NRG3: variants seen among roughly 807,000 people sequenced by gnomAD.
NRG3 encodes neuregulin 3.
In NRG3, 31 loss-of-function variants were observed where a neutral mutation model predicts 66.9. That is an observed-to-expected ratio of 0.46 (90% CI 0.35 to 0.63). The LOEUF (loss-of-function observed/expected upper bound fraction) is 0.63, where lower values mean the gene tolerates loss of function less well. Among genes scored for constraint, NRG3 ranks in the 20% least tolerant of loss-of-function variants. The probability of loss-of-function intolerance (pLI) is 0.00; values close to 1 mark genes in which losing one functional copy is unlikely to be tolerated. For missense variants in NRG3, 910 were observed against 878.9 expected, an observed-to-expected ratio of 1.04 and a Z score of -0.45; for synonymous variants, 393 against 359.4, an observed-to-expected ratio of 1.09 and a Z score of -1.06.
At chr10:81,937,575 G>T (rs372148943) in intron 1 of NRG3, among the ~76,000 whole-genome samples, 11 of 152,078 alleles carry the variant, frequency 7.2e-5, no homozygotes, top group Non-Finnish European at 1.5e-4. Flanking sequence ...ATTTATTCAA[G>T]TTGTTTGCAC....
chr10:82,052,796 A>G (rs2063662971), intron 1 of NRG3, among the ~76,000 whole-genome samples: 1 of 152,194 alleles, frequency 6.6e-6, no homozygotes, highest in Non-Finnish European at 1.5e-5. Context: ...CAAGTGATTA[A>G]TAGCAATGCA....
chr10:81,881,989 C>G (rs2132480750), intron 1 of NRG3, among the ~76,000 whole-genome samples: 1 of 152,152 alleles, frequency 6.6e-6, no homozygotes, highest in East Asian at 1.9e-4. Flanking sequence ...AAACAACTTA[C>G]CTTTTGGAGT....
At chr10:82,373,416 C>T (rs1417146877) in intron 2 of NRG3, among the ~76,000 whole-genome samples, 6 of 152,206 alleles carry the variant, frequency 3.9e-5, no homozygotes, top group Admixed American at 2.0e-4. Flanking sequence ...AAAGGCAATG[C>T]CAAGAGGCCA....
At chr10:82,766,847 C>G (rs1309090413) in intron 3 of NRG3, among the ~76,000 whole-genome samples, 5 of 151,368 alleles carry the variant, frequency 3.3e-5, no homozygotes, top group Admixed American at 1.3e-4. Flanking sequence ...TTCCCTAGGC[C>G]CTTCTGTCTT....
chr10:82,944,728 G>A (rs1159943307), intron 4 of NRG3, among the ~76,000 whole-genome samples: 3 of 152,038 alleles, frequency 2.0e-5, no homozygotes, highest in African/African-American at 7.2e-5. Context: ...TATTATGCCA[G>A]CCCAAATAAA....
intron 2 of NRG3, among the ~76,000 whole-genome samples, chr10:82,602,129 T>C (rs2047676471): frequency 6.6e-6 from 1 of 151,708 alleles, no homozygotes; most frequent in African/African-American, 2.4e-5. Flanking sequence ...GAACTTAGTA[T>C]ATGCAATTCT....
chr10:82,981,762 G>A (rs943808097), intron 8 of NRG3, among the ~76,000 whole-genome samples: 9 of 152,198 alleles, frequency 5.9e-5, no homozygotes, highest in Non-Finnish European at 1.2e-4. Context: ...GTCAATGACA[G>A]CCATGGTAAT....
At chr10:82,675,216 C>CA (rs1360891444) in intron 2 of NRG3, among the ~76,000 whole-genome samples, 1 of 152,104 alleles carries the variant, frequency 6.6e-6, no homozygotes, top group Non-Finnish European at 1.5e-5. Flanking sequence ...CTCGGCCTCC[C>CA]AAAGTGCTGG....
intron 2 of NRG3, among the ~76,000 whole-genome samples, chr10:82,479,113 G>A (rs937922083): frequency 6.6e-6 from 1 of 152,056 alleles, no homozygotes; most frequent in African/African-American, 2.4e-5. Flanking sequence ...ATTAATAGGA[G>A]GTGATGTGAC....
chr10:82,958,868 C>T, intron 5 of NRG3, 81 bp from the exon 6 acceptor site: 1 of 1,400,054 alleles, frequency 7.1e-7, no homozygotes, highest in Admixed American at 2.7e-5. Context: ...CAAATATAGA[C>T]ACTGGGAATG....
chr10:82,803,763 A>C (rs1271355245), intron 3 of NRG3, among the ~76,000 whole-genome samples: 1 of 152,126 alleles, frequency 6.6e-6, no homozygotes, highest in East Asian at 1.9e-4. Context: ...AATACTTCTC[A>C]CAGGATCGTG....
chr10:82,263,721 T>C (rs1020782218), intron 1 of NRG3, among the ~76,000 whole-genome samples: 1 of 152,162 alleles, frequency 6.6e-6, no homozygotes, highest in Admixed American at 6.6e-5. Flanking sequence ...TAATTTAACC[T>C]TCCCTTTCCC....
In NRG3 at chr10:82,895,111, T is replaced by C. The variant is rs189086160; in HGVS notation, c.1054+29674T>C. Among the ~76,000 whole-genome samples, 468 of 152,332 alleles carry C rather than the reference T, an allele frequency of 3.1e-3. 8 individuals are homozygous for C. Among genetic ancestry groups the C allele is most frequent in the African/African-American group, 0.01 (417 of 41,582 alleles). On this transcript the variant is annotated intron_variant, in intron 4 of 8. Coordinates refer to ENST00000372141, the MANE Select transcript of NRG3 (RefSeq NM_001010848.4). ...TGGCTGCATAGTATTCCACGGTGTA[T>C]ATGTGCCACATTTTCTTTATCCAGT...
At chr10:82,229,406 A>G (rs185208787) in intron 1 of NRG3, among the ~76,000 whole-genome samples, 244 of 152,362 alleles carry the variant, frequency 1.6e-3, no homozygotes, top group Non-Finnish European at 2.8e-3. Flanking sequence ...ACAGAAATTC[A>G]GGAAGAAATA....
At chr10:82,132,988 A>T (rs1170885743) in intron 1 of NRG3, among the ~76,000 whole-genome samples, 3 of 149,226 alleles carry the variant, frequency 2.0e-5, no homozygotes, top group African/African-American at 4.9e-5. Context: ...AGTTTTGTTG[A>T]TTTTGTTTAT....
At chr10:81,959,775 C>A (rs1321142897) in intron 1 of NRG3, among the ~76,000 whole-genome samples, 3 of 152,082 alleles carry the variant, frequency 2.0e-5, no homozygotes, top group Non-Finnish European at 4.4e-5. Context: ...ATAGTTTCCA[C>A]TAACATCCTT....
rs573147153 is a variant in NRG3 at position 82,918,880 on chromosome 10, A to C, written c.1055-32589A>C. ...AGGAGCAACCGCATTTAGAATGCTTATGCTAAAATGTATTCATTGTTTAGT... is the reference window on the plus strand; with the variant it reads ...AGGAGCAACCGCATTTAGAATGCTTCTGCTAAAATGTATTCATTGTTTAGT... On this transcript the variant is annotated intron_variant, in intron 4 of 8. Coordinates refer to ENST00000372141, the MANE Select transcript of NRG3 (RefSeq NM_001010848.4). Among the ~76,000 whole-genome samples the C allele has an allele frequency of 1.5e-4, 23 of 152,344 alleles. No homozygotes were observed. The South Asian group carries it at 4.4e-3, about 29-fold the overall frequency.
chr10:82,737,759 C>T (rs956363275), intron 2 of NRG3, among the ~76,000 whole-genome samples: 1 of 152,092 alleles, frequency 6.6e-6, no homozygotes, highest in Non-Finnish European at 1.5e-5. Context: ...CACTGCTGTC[C>T]GAGGTGGCCA....
At chr10:82,150,870 A>G (rs1185797762) in intron 1 of NRG3, among the ~76,000 whole-genome samples, 2 of 152,194 alleles carry the variant, frequency 1.3e-5, no homozygotes, top group East Asian at 3.9e-4. Flanking sequence ...TTACATCAAA[A>G]TAATGATATG....
Sources: allele counts gnomAD v4.1 joint callset (sites outside exome capture counted in the v4.1 genomes callset), GRCh38; gene constraint gnomAD v4.1.1; transcripts MANE v1.5; gene names NCBI Gene and HGNC (gene_info 2026-07-23, HGNC 2026-07-21).